The following COL4A4 variants were observed in gnomAD, a reference collection of about 807,000 sequenced individuals.
COL4A4 encodes collagen alpha-4(IV) chain.
A neutral mutation model predicts 192.9 loss-of-function variants in COL4A4; 105 were observed. The observed-to-expected ratio is 0.54, with a 90% CI of 0.46 to 0.64. The LOEUF (loss-of-function observed/expected upper bound fraction) is 0.64. COL4A4 is among the 30% of genes least tolerant of loss of function. The pLI, the probability that COL4A4 is intolerant of heterozygous loss-of-function variation, is 0.00. For missense variants in COL4A4, 1,967 were observed against 2,169.3 expected (o/e 0.91, Z 1.85); for synonymous variants, 762 against 769.9 (o/e 0.99, Z 0.17).
chr2:227,040,311 A>T (rs1297040698), intron 37 of COL4A4, among the ~76,000 whole-genome samples: 1 of 152,194 alleles, frequency 6.6e-6, no homozygotes, highest in Non-Finnish European at 1.5e-5. Context: ...AGTAAGCTGG[A>T]ACCATCAGCT....
At chr2:227,014,745 G>GT (rs1198151496) in intron 44 of COL4A4, among the ~76,000 whole-genome samples, 1 of 152,066 alleles carries the variant, frequency 6.6e-6, no homozygotes, top group African/African-American at 2.4e-5. Context: ...GAGTCTCGCT[G>GT]TATCACCCTG....
At chr2:227,147,199 C>A in intron 2 of COL4A4, 1 of 681,422 alleles carries the variant, frequency 1.5e-6, no homozygotes, top group Non-Finnish European at 2.7e-6. Context: ...TGTGCAACTT[C>A]CCATTTGGTG....
intron 44 of COL4A4, among the ~76,000 whole-genome samples, chr2:227,013,119 C>G (rs1303048724): frequency 6.6e-6 from 1 of 152,134 alleles, no homozygotes; most frequent in East Asian, 1.9e-4. Context: ...ACTTTTTTGT[C>G]AAGGCCTCAA....
At chr2:227,105,566 A>G (rs1302791873) in intron 12 of COL4A4, among the ~76,000 whole-genome samples, 1 of 152,198 alleles carries the variant, frequency 6.6e-6, no homozygotes, top group Non-Finnish European at 1.5e-5. Context: ...AATAATAGCC[A>G]AAATTTTTAT....
rs547418662 is a variant in COL4A4 at position 227,103,330 on chromosome 2, C to T, written c.817-133G>A. 7.2e-5 allele frequency: 52 copies of T among 725,020 alleles called. No homozygotes were observed. The African/African-American group carries it at 7.5e-4, about 11-fold the overall frequency. The allele number at this position is 725,020 out of a possible 1,614,324, so 44.9% of individuals were successfully genotyped here. A position where few individuals can be genotyped will look rare whatever the true frequency, so the allele number is the denominator to read the frequency against. On this transcript the variant is annotated intron_variant, in intron 13 of 47. Transcript: ENST00000396625. Reference sequence around the variant, plus strand: ...AAAAATCTTAAGAGATTACTCTTCACCTGTTCTAATTAGCACACTTATAAA... The same window carrying T: ...AAAAATCTTAAGAGATTACTCTTCATCTGTTCTAATTAGCACACTTATAAA...
chr2:227,121,177 G>A (rs1439521865), intron 4 of COL4A4, 29 bp from the exon 5 acceptor site: 1 of 1,611,888 alleles, frequency 6.2e-7, no homozygotes, highest in Non-Finnish European at 8.5e-7. Context: ...AAGAAATGGG[G>A]GTGCAATTCT....
chr2:227,014,516 A>C (rs1387728204), intron 44 of COL4A4, among the ~76,000 whole-genome samples: 1 of 152,218 alleles, frequency 6.6e-6, no homozygotes, highest in African/African-American at 2.4e-5. Context: ...AAGAAACAAC[A>C]ATAATAGCAA....
At chr2:227,001,733 A>T (rs914445595), downstream of COL4A4, among the ~76,000 whole-genome samples, 2 of 152,190 alleles carry the variant, frequency 1.3e-5, no homozygotes, top group African/African-American at 4.8e-5. Flanking sequence ...GGACAGCTGT[A>T]GGGTTGAGAG....
Position 227,147,592 on chromosome 2 carries a change from A to G in COL4A4, c.-101-8T>C, listed in dbSNP as rs2063631160. On this transcript the variant is annotated splice_polypyrimidine_tract_variant and splice_region_variant and intron_variant, in intron 1 of 47. Transcript: ENST00000396625. ...CTGGGTCAAAGTCTGTTCCTGTTAG[A>G]TATAAATATATCACTTAAAACACAG... 1.2e-6 allele frequency: 1 copy of G among 859,646 alleles called. No individual in the cohort carries two copies. The highest frequency in any genetic ancestry group is 1.7e-5 in the African/African-American group (1 of 59,720). 53.3% of individuals were successfully genotyped at this position (859,646 alleles called of 1,614,324 possible).
intron 35 of COL4A4, among the ~76,000 whole-genome samples, chr2:227,046,661 CAT>C (rs1210679832): frequency 1.3e-5 from 2 of 152,034 alleles, no homozygotes; most frequent in African/African-American, 2.4e-5. Context: ...GAAATGTAAA[CAT>C]ATATGAGTTA....
At position 227,008,217 on chromosome 2, in the gene COL4A4, T is replaced by C. The variant is rs1294440853; in HGVS notation, c.4610A>G (p.Asn1537Ser). ...GCTGGCCAGCCAGTAGGATCTGTCG[T>C]TTCTCTGGGCATAGTGGCACACCTG... ...IHQVCHYAQR[N>S]DRSYWLASAA... Residue 1537 changes from asparagine to serine, a missense_variant, in exon 47 of 48, where the codon AAC (asparagine) becomes AGC (serine). By Grantham distance (46) the Asn-to-Ser change is conservative (BLOSUM62 1). Transcript: ENST00000396625. 3.7e-6 allele frequency: 6 copies of C among 1,613,976 alleles called. No individual in the cohort carries two copies. The highest frequency in any genetic ancestry group is 5.1e-6 in the Non-Finnish European group (6 of 1,180,010).
chr2:226,997,403 T>G, the COL4A4 span: 1 of 152,190 alleles, frequency 6.6e-6, no homozygotes, highest in African/African-American at 2.4e-5. Context: ...GCCCCTATTA[T>G]TAACTGTGCA....
At chr2:227,136,024 A>AG (rs1371493350) in intron 4 of COL4A4, among the ~76,000 whole-genome samples, 1 of 152,174 alleles carries the variant, frequency 6.6e-6, no homozygotes, top group African/African-American at 2.4e-5. Context: ...AGTACAAAAA[A>AG]TGACCCCCAG....
chr2:227,018,597 C>A (rs559751230), intron 44 of COL4A4, among the ~76,000 whole-genome samples: 5 of 152,068 alleles, frequency 3.3e-5, no homozygotes, highest in Non-Finnish European at 7.4e-5. Flanking sequence ...AAAAAGGAGC[C>A]CCAGGGAAGC....
At chr2:227,026,747 C>T (rs1472126574) in intron 42 of COL4A4, among the ~76,000 whole-genome samples, 2 of 152,130 alleles carry the variant, frequency 1.3e-5, no homozygotes, top group Non-Finnish European at 2.9e-5. Context: ...CGTAATTTGA[C>T]CCTATGGTTA....
intron 1 of COL4A4, among the ~76,000 whole-genome samples, chr2:227,163,296 G>T (rs2065002461): frequency 6.6e-6 from 1 of 152,196 alleles, no homozygotes; most frequent in Non-Finnish European, 1.5e-5. Flanking sequence ...TCACATTTCA[G>T]TTTGGGCTAT....
At chr2:227,143,275 C>G (rs544700804) in intron 3 of COL4A4, among the ~76,000 whole-genome samples, 49 of 152,330 alleles carry the variant, frequency 3.2e-4, no homozygotes, top group Middle Eastern at 3.4e-3. Flanking sequence ...ATACTGAACA[C>G]TACCCTGAAA....
At chr2:226,980,298 T>C in the COL4A4 span, among the ~76,000 whole-genome samples, 2 of 152,140 alleles carry the variant, frequency 1.3e-5, no homozygotes, top group Admixed American at 6.6e-5. Flanking sequence ...TCAGAACCCA[T>C]GCCCTACTCT....
intron 44 of COL4A4, among the ~76,000 whole-genome samples, chr2:227,020,013 T>G (rs1343627890): frequency 1.3e-5 from 2 of 152,214 alleles, no homozygotes; most frequent in Admixed American, 6.5e-5. Flanking sequence ...ACCATTACTT[T>G]AAGTTATTTA....
Sources: allele counts gnomAD v4.1 joint callset (sites outside exome capture counted in the v4.1 genomes callset), GRCh38; gene constraint gnomAD v4.1.1; transcripts MANE v1.5; gene names NCBI Gene and HGNC (gene_info 2026-07-23, HGNC 2026-07-21).